The following PIK3C2G variants were observed in gnomAD, a reference collection of about 807,000 sequenced individuals.
PIK3C2G encodes phosphatidylinositol 3-kinase C2 domain-containing subunit gamma.
PIK3C2G carries 168 observed loss-of-function variants against 181.1 expected under a neutral mutation model. That is an observed-to-expected ratio of 0.93 (90% CI 0.82 to 1.05). The LOEUF is 1.05. PIK3C2G is among the 50% of genes least tolerant of loss of function. PIK3C2G has a pLI of 0.00. For synonymous variants in PIK3C2G, 573 were observed against 592.2 expected (o/e 0.97, Z 0.47); for missense variants, 1,869 against 1,732.8 (o/e 1.08, Z -1.40).
In PIK3C2G at chr12:18,374,688, A is replaced by G. The variant is rs190035211; in HGVS notation, c.1880+3377A>G. ...ATAATTTAGATATTGTCTGCTGTAAATCTCATATTGAATTATGGTCCTCAG... is the reference window on the plus strand; with the variant it reads ...ATAATTTAGATATTGTCTGCTGTAAGTCTCATATTGAATTATGGTCCTCAG... On this transcript the variant is annotated intron_variant, in intron 13 of 32. Coordinates refer to ENST00000538779, the MANE Select transcript of PIK3C2G (RefSeq NM_001288772.2). Among the ~76,000 whole-genome samples the G allele has an allele frequency of 3.9e-3, 600 of 152,250 alleles. 1 individual carries two copies. Among genetic ancestry groups the G allele is most frequent in the African/African-American group, 0.014 (562 of 41,540 alleles).
intron 18 of PIK3C2G, among the ~76,000 whole-genome samples, chr12:18,458,790 TCATGCAG>T (rs1056245469): frequency 6.8e-6 from 1 of 147,978 alleles, no homozygotes. Flanking sequence ...ATGGTAAGGG[TCATGCAG>T]CAAGCATGAC....
chr12:18,564,774 T>C (rs1945531805), intron 28 of PIK3C2G, among the ~76,000 whole-genome samples: 1 of 152,122 alleles, frequency 6.6e-6, no homozygotes. Context: ...TGGCTGCAAA[T>C]ACCACATTCA....
chr12:18,331,632 A>G (rs1175254452), intron 8 of PIK3C2G, among the ~76,000 whole-genome samples: 1 of 151,998 alleles, frequency 6.6e-6, no homozygotes, highest in African/African-American at 2.4e-5. Flanking sequence ...TCTTTAGTCT[A>G]TAGCCCTCTT....
intron 3 of PIK3C2G, among the ~76,000 whole-genome samples, chr12:18,287,934 G>C (rs1221660154): frequency 6.6e-6 from 1 of 151,990 alleles, no homozygotes; most frequent in African/African-American, 2.4e-5. Context: ...GGCCGAGGTG[G>C]GTGGATCACT....
At chr12:18,398,329 AT>A (rs557001974) in intron 15 of PIK3C2G, among the ~76,000 whole-genome samples, 5 of 152,056 alleles carry the variant, frequency 3.3e-5, no homozygotes, top group Non-Finnish European at 5.9e-5. Flanking sequence ...TTTACTATGG[AT>A]TTTTTTTCTT....
At chr12:18,430,391 T>C (rs988936869) in intron 18 of PIK3C2G, among the ~76,000 whole-genome samples, 12 of 152,110 alleles carry the variant, frequency 7.9e-5, no homozygotes, top group Non-Finnish European at 5.9e-5. Flanking sequence ...AATGCAAAAA[T>C]CTCTTCAAAA....
At chr12:18,280,489 C>A (rs761385008) in intron 1 of PIK3C2G, among the ~76,000 whole-genome samples, 1 of 151,880 alleles carries the variant, frequency 6.6e-6, no homozygotes. Flanking sequence ...CAGGATAACA[C>A]CCTGGGAAAA....
intron 29 of PIK3C2G, among the ~76,000 whole-genome samples, chr12:18,581,294 A>G (rs1427082176): frequency 6.6e-6 from 1 of 152,246 alleles, no homozygotes; most frequent in Non-Finnish European, 1.5e-5. Flanking sequence ...AAAATCCTAT[A>G]TTAGATAAAC....
chr12:18,720,059 T>G, the PIK3C2G span, among the ~76,000 whole-genome samples: 1 of 152,118 alleles, frequency 6.6e-6, no homozygotes, highest in South Asian at 2.1e-4. Flanking sequence ...TCGAAAAGCA[T>G]AGATTAGTTT....
chr12:18,572,300 T>G (rs941460285), intron 29 of PIK3C2G, among the ~76,000 whole-genome samples: 1 of 147,776 alleles, frequency 6.8e-6, no homozygotes, highest in African/African-American at 2.5e-5. Flanking sequence ...ATATATATAT[T>G]TATATATAAA....
At chr12:18,405,265 G>A (rs1944456702) in intron 16 of PIK3C2G, among the ~76,000 whole-genome samples, 1 of 152,174 alleles carries the variant, frequency 6.6e-6, no homozygotes, top group African/African-American at 2.4e-5. Context: ...GAAAAACAAT[G>A]TGGGAGTTGT....
intron 8 of PIK3C2G, among the ~76,000 whole-genome samples, chr12:18,332,231 C>CT (rs1344095655): frequency 1.3e-5 from 2 of 152,108 alleles, no homozygotes; most frequent in African/African-American, 4.8e-5. Flanking sequence ...GATCCTGCTT[C>CT]ATCCTCAGCT....
At chr12:18,569,553 C>T (rs1471288529) in intron 29 of PIK3C2G, among the ~76,000 whole-genome samples, 1 of 152,074 alleles carries the variant, frequency 6.6e-6, no homozygotes, top group Non-Finnish European at 1.5e-5. Flanking sequence ...TGGAATGTTT[C>T]CAGTTTGGGG....
At chr12:18,707,913 T>C in the PIK3C2G span, among the ~76,000 whole-genome samples, 1 of 152,204 alleles carries the variant, frequency 6.6e-6, no homozygotes, top group Non-Finnish European at 1.5e-5. Context: ...TACAACATGA[T>C]GTTATGGAAC....
the PIK3C2G span, chr12:18,712,894 C>T: frequency 6.2e-7 from 1 of 1,613,882 alleles, no homozygotes; most frequent in South Asian, 1.1e-5. Flanking sequence ...CAGAAGTTTG[C>T]TTGTGAGTGT....
intron 24 of PIK3C2G, among the ~76,000 whole-genome samples, chr12:18,520,292 G>A (rs560204790): frequency 6.6e-6 from 1 of 151,992 alleles, no homozygotes; most frequent in Admixed American, 6.6e-5. Context: ...AGTTCTTCAG[G>A]ATAATATCCT....
chr12:18,626,125 C>T (rs2136694270), intron 31 of PIK3C2G, among the ~76,000 whole-genome samples: 1 of 151,314 alleles, frequency 6.6e-6, no homozygotes, highest in East Asian at 2.0e-4. Context: ...TGCTGTCTTT[C>T]TTTGTGGATT....
intron 7 of PIK3C2G, among the ~76,000 whole-genome samples, chr12:18,323,239 G>A (rs923104488): frequency 6.6e-6 from 1 of 152,128 alleles, no homozygotes; most frequent in Non-Finnish European, 1.5e-5. Flanking sequence ...CTGTAGCAAG[G>A]GTAGAGGAAA....
chr12:18,408,563 A>G (rs1464154098), intron 16 of PIK3C2G, among the ~76,000 whole-genome samples: 4 of 152,128 alleles, frequency 2.6e-5, no homozygotes, highest in African/African-American at 9.7e-5. Flanking sequence ...GACAAATGGG[A>G]TCTAATTAAA....
Sources: allele counts gnomAD v4.1 joint callset (sites outside exome capture counted in the v4.1 genomes callset), GRCh38; gene constraint gnomAD v4.1.1; transcripts MANE v1.5; gene names NCBI Gene and HGNC (gene_info 2026-07-23, HGNC 2026-07-21).